Variants in EPHA6 observed in about 807,000 individuals in gnomAD.
EPHA6 encodes the protein EPH receptor A6, also known as ephrin type-A receptor 6.
Under a neutral mutation model 112.0 loss-of-function variants are expected in EPHA6, and 50 were observed. That is an observed-to-expected ratio of 0.45 (90% CI 0.36 to 0.56). The LOEUF is 0.56. Ranked by LOEUF, EPHA6 falls within the 20% of genes least tolerant of loss-of-function variation. EPHA6 has a pLI of 0.00. For missense variants in EPHA6, 1,280 were observed against 1,417.4 expected, an observed-to-expected ratio of 0.90 and a Z score of 1.56; for synonymous variants, 529 against 490.7, an observed-to-expected ratio of 1.08 and a Z score of -1.03.
At chr3:97,603,470 T>C (rs1283863423) in intron 12 of EPHA6, among the ~76,000 whole-genome samples, 3 of 152,118 alleles carry the variant, frequency 2.0e-5, no homozygotes, top group Non-Finnish European at 2.9e-5. Context: ...TCAGCATTTT[T>C]CCAAGGGTAT....
chr3:97,414,502 A>T (rs903652260), intron 6 of EPHA6, among the ~76,000 whole-genome samples: 1 of 152,110 alleles, frequency 6.6e-6, no homozygotes, highest in Admixed American at 6.6e-5. Flanking sequence ...TTAAACTATT[A>T]CAACGAAACT....
At chr3:97,481,594 A>G (rs2091551133) in intron 9 of EPHA6, 2 of 538,524 alleles carry the variant, frequency 3.7e-6, no homozygotes, top group Non-Finnish European at 6.9e-6. Context: ...TGGGTCAGAA[A>G]GTCTTCAGGG....
At chr3:97,579,851 T>TA (rs1235212109) in intron 11 of EPHA6, among the ~76,000 whole-genome samples, 1 of 152,160 alleles carries the variant, frequency 6.6e-6, no homozygotes, top group African/African-American at 2.4e-5. Context: ...TAAAATGGCT[T>TA]AGCCCCTTAA....
intron 5 of EPHA6, among the ~76,000 whole-genome samples, chr3:97,280,382 A>C (rs9858536): frequency 6.6e-6 from 1 of 152,278 alleles, no homozygotes; most frequent in Non-Finnish European, 1.5e-5. Context: ...TAATATTATT[A>C]TTGCTGGTAT....
intron 3 of EPHA6, among the ~76,000 whole-genome samples, chr3:97,132,882 C>T (rs145924503): frequency 5.9e-5 from 9 of 151,958 alleles, no homozygotes; most frequent in African/African-American, 1.4e-4. Context: ...CTACTAAATT[C>T]GTTGTATATA....
At chr3:96,994,821 G>A (rs2043360700) in intron 3 of EPHA6, among the ~76,000 whole-genome samples, 1 of 149,564 alleles carries the variant, frequency 6.7e-6, no homozygotes. Flanking sequence ...TAGAGAGAGA[G>A]AGAGAGAGCT....
chr3:97,133,488 G>T (rs2075689846), intron 3 of EPHA6, among the ~76,000 whole-genome samples: 1 of 151,838 alleles, frequency 6.6e-6, no homozygotes, highest in South Asian at 2.1e-4. Flanking sequence ...ATGTACAGTT[G>T]ACACAAACAT....
At chr3:97,310,247 A>G (rs577506513) in intron 5 of EPHA6, among the ~76,000 whole-genome samples, 17 of 151,758 alleles carry the variant, frequency 1.1e-4, no homozygotes, top group Admixed American at 4.0e-4. Flanking sequence ...TAAAAGAAAT[A>G]CTTTCTTACA....
At position 97,363,212 on chromosome 3, in the gene EPHA6, ATATATATATATATATATATATATAT is replaced by A. The variant is rs2084489272; in HGVS notation, c.1607-41937_1607-41913del. Reference sequence around the variant, plus strand: ...TATATATATATATATATATATATATATATATATATATATATATATATATATAAATCTCAGATGCTACAAAAACTAA... The same window carrying A: ...TATATATATATATATATATATATATAAAATCTCAGATGCTACAAAAACTAA... On this transcript the variant is annotated intron_variant, in intron 5 of 17. Coordinates refer to ENST00000389672, the MANE Select transcript of EPHA6 (RefSeq NM_001080448.3). 1.1e-4 allele frequency among the ~76,000 whole-genome samples: 9 copies of A among 85,698 alleles called. 2 individuals carry two copies. In the South Asian group the frequency reaches 1.4e-3, roughly 13 times the overall value. 56.2% of individuals were successfully genotyped at this position (85,698 alleles called of 152,430 possible).
At position 97,167,011 on chromosome 3, in the gene EPHA6, A is replaced by G. The variant is rs192571712; in HGVS notation, c.1115-59253A>G. Among the ~76,000 whole-genome samples, 3 of 152,332 alleles carry G rather than the reference A, an allele frequency of 2.0e-5. No homozygotes were observed. In the East Asian group the frequency reaches 5.8e-4, roughly 29 times the overall value. On this transcript the variant is annotated intron_variant, in intron 3 of 17. Transcript: ENST00000389672. ...TGGACATATAATCTTCCTACAAGAT[A>G]CACCGTGGAATATTGGCAGACATTA...
chr3:97,156,317 G>A (rs2076288049), intron 3 of EPHA6, among the ~76,000 whole-genome samples: 1 of 152,008 alleles, frequency 6.6e-6, no homozygotes, highest in Non-Finnish European at 1.5e-5. Flanking sequence ...ATTTCATATT[G>A]AAGAATAATT....
intron 2 of EPHA6, among the ~76,000 whole-genome samples, chr3:96,903,787 G>A (rs912860878): frequency 6.6e-6 from 1 of 152,096 alleles, no homozygotes; most frequent in Admixed American, 6.6e-5. Context: ...CCATCAAAAA[G>A]TGGGCAAAGG....
At chr3:97,447,871 T>C (rs2090402669) in intron 6 of EPHA6, 1 of 745,310 alleles carries the variant, frequency 1.3e-6, no homozygotes, top group South Asian at 6.2e-5. Context: ...CCAGTGCTTC[T>C]TCATGGGCAG....
intron 3 of EPHA6, among the ~76,000 whole-genome samples, chr3:97,115,464 T>C (rs776514793): frequency 6.6e-6 from 1 of 151,770 alleles, no homozygotes; most frequent in Non-Finnish European, 1.5e-5. Flanking sequence ...CTGAGAGTGG[T>C]AGGAAATGTT....
At chr3:97,425,452 C>T (rs932084418) in intron 6 of EPHA6, among the ~76,000 whole-genome samples, 8 of 152,222 alleles carry the variant, frequency 5.3e-5, no homozygotes, top group Non-Finnish European at 8.8e-5. Context: ...AGCCACAACC[C>T]GAGCTTGTAC....
intron 10 of EPHA6, among the ~76,000 whole-genome samples, chr3:97,489,124 A>T (rs1227670911): frequency 2.0e-5 from 3 of 152,250 alleles, no homozygotes; most frequent in African/African-American, 7.2e-5. Context: ...TAATAAAAGG[A>T]TTAGAAATGA....
intron 10 of EPHA6, among the ~76,000 whole-genome samples, chr3:97,530,967 A>G (rs1009868781): frequency 6.6e-6 from 1 of 152,078 alleles, no homozygotes; most frequent in Non-Finnish European, 1.5e-5. Flanking sequence ...CTAATTCGAT[A>G]TTCTATGCTT....
intron 5 of EPHA6, among the ~76,000 whole-genome samples, chr3:97,389,479 A>G (rs2086274344): frequency 6.6e-6 from 1 of 152,196 alleles, no homozygotes; most frequent in South Asian, 2.1e-4. Context: ...AATTAATGTT[A>G]CATTATATTT....
At chr3:97,416,562 G>A (rs1230629075) in intron 6 of EPHA6, among the ~76,000 whole-genome samples, 1 of 152,080 alleles carries the variant, frequency 6.6e-6, no homozygotes, top group African/African-American at 2.4e-5. Flanking sequence ...ACAGTGTTCT[G>A]TGGCTTGAAT....
Sources: gnomAD v4.1 joint callset for allele counts (sites outside exome capture counted in the v4.1 genomes callset) on GRCh38, gnomAD v4.1.1 for gene constraint, MANE v1.5 for transcripts, NCBI Gene and HGNC (gene_info 2026-07-23, HGNC 2026-07-21) for gene names.